The following GRIA4 variants were observed in gnomAD, a reference collection of about 807,000 sequenced individuals.
The protein encoded by GRIA4 is glutamate receptor 4.
GRIA4 carries 34 observed loss-of-function variants against 104.0 expected under a neutral mutation model. That is an observed-to-expected ratio of 0.33 (90% CI 0.25 to 0.44). The LOEUF (loss-of-function observed/expected upper bound fraction) is 0.44, where lower values mean the gene tolerates loss of function less well. Among genes scored for constraint, GRIA4 ranks in the 20% least tolerant of loss-of-function variants. GRIA4 has a pLI of 1.00. For synonymous variants in GRIA4, 386 were observed against 381.9 expected (o/e 1.01, Z -0.13); for missense variants, 750 against 1,096.5 (o/e 0.68, Z 4.46).
chr11:105,723,802 A>T (rs1413924186), intron 3 of GRIA4, among the ~76,000 whole-genome samples: 1 of 152,112 alleles, frequency 6.6e-6, no homozygotes, highest in Non-Finnish European at 1.5e-5. Context: ...GGCTCAATAA[A>T]ACTTGACCTC....
intron 4 of GRIA4, among the ~76,000 whole-genome samples, chr11:105,813,439 T>C (rs1943256108): frequency 6.6e-6 from 1 of 152,182 alleles, no homozygotes; most frequent in Admixed American, 6.5e-5. Context: ...GAGACTGATA[T>C]ACAGACAACC....
intron 4 of GRIA4, among the ~76,000 whole-genome samples, chr11:105,814,654 C>A (rs1469361394): frequency 6.6e-6 from 1 of 151,964 alleles, no homozygotes; most frequent in African/African-American, 2.4e-5. Flanking sequence ...CCATTATTAC[C>A]ATTTTAAGTG....
chr11:105,714,267 C>G (rs1466049201), intron 3 of GRIA4, among the ~76,000 whole-genome samples: 6 of 147,566 alleles, frequency 4.1e-5, no homozygotes, highest in Non-Finnish European at 9.0e-5. Context: ...AAAAAAAAAT[C>G]AATATATATA....
intron 3 of GRIA4, 134 bp downstream of exon 3, chr11:105,612,568 A>G (rs1950507605): frequency 3.1e-6 from 2 of 647,350 alleles, no homozygotes; most frequent in South Asian, 5.0e-5. Context: ...AGGACAAATC[A>G]GAGTTAAAAA....
intron 3 of GRIA4, among the ~76,000 whole-genome samples, chr11:105,661,311 G>C (rs959188123): frequency 1.3e-5 from 2 of 151,494 alleles, no homozygotes; most frequent in African/African-American, 4.8e-5. Context: ...ATTATATAGA[G>C]ATATAATAAC....
At chr11:105,763,329 G>A (rs1293828033) in intron 4 of GRIA4, among the ~76,000 whole-genome samples, 3 of 152,134 alleles carry the variant, frequency 2.0e-5, no homozygotes, top group South Asian at 2.1e-4. Flanking sequence ...GGAAGTTGGC[G>A]ATGTGGGTGT....
At chr11:105,749,800 T>C (rs1001070779) in intron 3 of GRIA4, among the ~76,000 whole-genome samples, 1 of 152,228 alleles carries the variant, frequency 6.6e-6, no homozygotes, top group South Asian at 2.1e-4. Context: ...GTGATCTTGT[T>C]AGTGAAACAG....
chr11:105,662,982 T>C (rs2135415992), intron 3 of GRIA4, among the ~76,000 whole-genome samples: 1 of 151,858 alleles, frequency 6.6e-6, no homozygotes, highest in African/African-American at 2.4e-5. Flanking sequence ...TAAGAGTATC[T>C]CAAAACCAGT....
chr11:105,655,669 T>C (rs1229607322), intron 3 of GRIA4, among the ~76,000 whole-genome samples: 3 of 152,156 alleles, frequency 2.0e-5, no homozygotes, highest in African/African-American at 7.2e-5. Flanking sequence ...GAACTCATCC[T>C]TTTTATGGCT....
chr11:105,773,336 G>A (rs1941299413), intron 4 of GRIA4, among the ~76,000 whole-genome samples: 1 of 151,336 alleles, frequency 6.6e-6, no homozygotes, highest in Non-Finnish European at 1.5e-5. Context: ...CAAAATAGCA[G>A]GTATATATTA....
intron 3 of GRIA4, among the ~76,000 whole-genome samples, chr11:105,667,513 C>T (rs1952201907): frequency 6.6e-6 from 1 of 151,984 alleles, no homozygotes; most frequent in Admixed American, 6.6e-5. Flanking sequence ...CTAATATCTC[C>T]TTTGAGCTCT....
chr11:105,822,141 A>T (rs1943596844), intron 4 of GRIA4, among the ~76,000 whole-genome samples: 2 of 152,130 alleles, frequency 1.3e-5, no homozygotes, highest in Admixed American at 6.6e-5. Context: ...ATCTTTCTTC[A>T]GAGTAATGAG....
chr11:105,648,702 A>G (rs566379396), intron 3 of GRIA4, among the ~76,000 whole-genome samples: 31 of 152,248 alleles, frequency 2.0e-4, no homozygotes, highest in African/African-American at 7.2e-4. Context: ...AATAATAAAA[A>G]CCAACAAATG....
intron 3 of GRIA4, among the ~76,000 whole-genome samples, chr11:105,734,972 A>G (rs759727909): frequency 3.3e-5 from 5 of 152,200 alleles, no homozygotes; most frequent in Non-Finnish European, 7.3e-5. Context: ...TAGTTGTTAT[A>G]GCCACGATGA....
chr11:105,841,388 G>C (rs1944391002), intron 4 of GRIA4, among the ~76,000 whole-genome samples: 1 of 152,084 alleles, frequency 6.6e-6, no homozygotes, highest in Admixed American at 6.6e-5. Context: ...TGGGCAGAAG[G>C]GGCCAGTTCA....
chr11:105,674,190 A>G (rs151025296), intron 3 of GRIA4, among the ~76,000 whole-genome samples: 3 of 152,076 alleles, frequency 2.0e-5, no homozygotes, highest in African/African-American at 7.2e-5. Context: ...ATTTATTACA[A>G]TCATGTTTAT....
intron 3 of GRIA4, among the ~76,000 whole-genome samples, chr11:105,626,235 C>T (rs1404000139): frequency 6.6e-6 from 1 of 151,800 alleles, no homozygotes; most frequent in Non-Finnish European, 1.5e-5. Context: ...TATTTCAGTG[C>T]AACTACATTG....
rs1401079982 is a variant in GRIA4 at position 105,811,404 on chromosome 11, T to C, written c.488-50620T>C. The stretch of plus-strand genomic sequence containing the variant: ...CTCTCACCCCATCTCCCACATTCTT[T>C]TGGCGTGGCAAGTCCCAAATGTCAC... On this transcript the variant is annotated intron_variant, in intron 4 of 16. Coordinates refer to ENST00000282499, the MANE Select transcript of GRIA4 (RefSeq NM_000829.4). 3.9e-5 allele frequency among the ~76,000 whole-genome samples: 6 copies of C among 152,288 alleles called. No homozygotes were observed. The South Asian group carries it at 1.0e-3, about 26-fold the overall frequency.
At chr11:105,638,158 G>T (rs1207218454) in intron 3 of GRIA4, among the ~76,000 whole-genome samples, 1 of 152,092 alleles carries the variant, frequency 6.6e-6, no homozygotes, top group Non-Finnish European at 1.5e-5. Flanking sequence ...ATGCGATTAT[G>T]AAAAACTTCC....
Sources: gnomAD v4.1 joint callset for allele counts (sites outside exome capture counted in the v4.1 genomes callset) on GRCh38, gnomAD v4.1.1 for gene constraint, MANE v1.5 for transcripts, NCBI Gene and HGNC (gene_info 2026-07-23, HGNC 2026-07-21) for gene names.